The following EFNA5 variants were observed in gnomAD, a reference collection of about 807,000 sequenced individuals.
EFNA5 encodes the protein ephrin-A5.
Under a neutral mutation model 22.9 loss-of-function variants are expected in EFNA5, and 5 were observed. That is an observed-to-expected ratio of 0.22 (90% CI 0.11 to 0.46). The LOEUF (loss-of-function observed/expected upper bound fraction) is 0.46, where lower values mean the gene tolerates loss of function less well. EFNA5 is among the 20% of genes least tolerant of loss of function. The pLI is 0.99. For synonymous variants in EFNA5, 113 were observed against 112.2 expected (o/e 1.01, Z -0.04); for missense variants, 237 against 293.3 (o/e 0.81, Z 1.40).
intron 1 of EFNA5, among the ~76,000 whole-genome samples, chr5:107,634,778 A>C (rs1275721094): frequency 8.8e-6 from 1 of 113,310 alleles, no homozygotes; most frequent in African/African-American, 2.7e-5. Flanking sequence ...ATTGATCTTC[A>C]TGGAGATAAT....
intron 1 of EFNA5, among the ~76,000 whole-genome samples, chr5:107,429,274 C>G (rs898087616): frequency 2.6e-5 from 4 of 152,172 alleles, no homozygotes; most frequent in Non-Finnish European, 5.9e-5. Flanking sequence ...GAAACCTTGT[C>G]TCTACTAAAA....
intron 1 of EFNA5, among the ~76,000 whole-genome samples, chr5:107,537,991 T>C (rs1747962731): frequency 6.6e-6 from 1 of 152,084 alleles, no homozygotes; most frequent in Non-Finnish European, 1.5e-5. Flanking sequence ...AAAAGGGGTA[T>C]ATTGAGATTA....
chr5:107,385,532 T>C (rs1052493848), intron 4 of EFNA5, among the ~76,000 whole-genome samples: 6 of 152,218 alleles, frequency 3.9e-5, no homozygotes, highest in Admixed American at 1.3e-4. Context: ...TAAGTCCTCT[T>C]TATGAACATA....
chr5:107,498,494 C>T (rs1747047071), intron 1 of EFNA5, among the ~76,000 whole-genome samples: 1 of 152,198 alleles, frequency 6.6e-6, no homozygotes, highest in Non-Finnish European at 1.5e-5. Flanking sequence ...GACCCCCACA[C>T]ATCATAGTCT....
chr5:107,465,376 G>C (rs772276846), intron 1 of EFNA5, among the ~76,000 whole-genome samples: 13 of 152,112 alleles, frequency 8.5e-5, no homozygotes, highest in Non-Finnish European at 1.5e-4. Context: ...AACTTATGTA[G>C]AACATTAGAA....
rs182459982 is a variant in EFNA5 at position 107,655,411 on chromosome 5, T to C, written c.125+15078A>G. ...AGCACAGCGATTGTAAATATTAAAA[T>C]GCTGTACTTTTAAGAGAAATCTGTT... On this transcript the variant is annotated intron_variant, in intron 1 of 4. Transcript: ENST00000333274. Among the ~76,000 whole-genome samples, 37 of 152,272 alleles carry C rather than the reference T, an allele frequency of 2.4e-4. No individual in the cohort carries two copies. The East Asian group carries it at 6.6e-3, about 27-fold the overall frequency.
intron 1 of EFNA5, among the ~76,000 whole-genome samples, chr5:107,566,179 G>A (rs646095): frequency 0.022 from 3,292 of 152,230 alleles, 87 homozygotes; most frequent in African/African-American, 0.064. Flanking sequence ...ATGGCACGCA[G>A]GACCGGTCAA....
chr5:107,639,110 C>A (rs1168951554), intron 1 of EFNA5, among the ~76,000 whole-genome samples: 2 of 152,270 alleles, frequency 1.3e-5, no homozygotes, highest in Middle Eastern at 6.8e-3. Flanking sequence ...CATATTACTT[C>A]GGTGATTTAA....
At chr5:107,654,254 T>C (rs1233045222) in intron 1 of EFNA5, among the ~76,000 whole-genome samples, 1 of 152,152 alleles carries the variant, frequency 6.6e-6, no homozygotes, top group African/African-American at 2.4e-5. Context: ...TGGGTTTACA[T>C]TGCCTTCTGT....
intron 1 of EFNA5, among the ~76,000 whole-genome samples, chr5:107,661,186 C>T (rs1750951135): frequency 6.6e-6 from 1 of 151,688 alleles, no homozygotes; most frequent in African/African-American, 2.4e-5. Flanking sequence ...AAACACTTTG[C>T]TGCAGCAGAA....
chr5:107,633,254 G>A (rs2112537879), intron 1 of EFNA5, among the ~76,000 whole-genome samples: 1 of 152,316 alleles, frequency 6.6e-6, no homozygotes, highest in East Asian at 1.9e-4. Flanking sequence ...TGTTTTTCAT[G>A]ATGAATTACA....
chr5:107,456,031 AT>A (rs1385638018), intron 1 of EFNA5, among the ~76,000 whole-genome samples: 1 of 152,182 alleles, frequency 6.6e-6, no homozygotes, highest in Admixed American at 6.6e-5. Context: ...TTTGACAGAC[AT>A]TAATACAATG....
At chr5:107,395,726 T>C (rs1184591990) in intron 2 of EFNA5, among the ~76,000 whole-genome samples, 4 of 152,176 alleles carry the variant, frequency 2.6e-5, no homozygotes. Context: ...TTGGTGAACT[T>C]ACTGTACTAG....
intron 1 of EFNA5, among the ~76,000 whole-genome samples, chr5:107,485,670 C>T (rs1746597123): frequency 1.3e-5 from 2 of 152,124 alleles, no homozygotes; most frequent in African/African-American, 4.8e-5. Flanking sequence ...CTAATCGGAA[C>T]TGGGGTTTGC....
intron 1 of EFNA5, among the ~76,000 whole-genome samples, chr5:107,515,362 TTTA>T (rs70996961): frequency 0.43 from 60,536 of 141,002 alleles, 13,054 homozygotes; most frequent in East Asian, 0.57. Context: ...TATTTTTTAT[TTTA>T]TTATTATTAT....
intron 1 of EFNA5, among the ~76,000 whole-genome samples, chr5:107,592,613 G>A (rs1018990059): frequency 2.0e-5 from 3 of 152,134 alleles, no homozygotes; most frequent in African/African-American, 7.2e-5. Context: ...TTCCATGCAG[G>A]TTAGGGGAGC....
At chr5:107,574,284 T>C (rs1748878514) in intron 1 of EFNA5, among the ~76,000 whole-genome samples, 1 of 152,188 alleles carries the variant, frequency 6.6e-6, no homozygotes, top group Non-Finnish European at 1.5e-5. Context: ...AGGAAGACTT[T>C]TATGAATCAA....
At chr5:107,492,855 A>G (rs1746849920) in intron 1 of EFNA5, among the ~76,000 whole-genome samples, 1 of 151,136 alleles carries the variant, frequency 6.6e-6, no homozygotes, top group African/African-American at 2.5e-5. Context: ...AAAAATTAGC[A>G]GAGTGTGGTG....
At chr5:107,667,126 T>C (rs936560870) in intron 1 of EFNA5, among the ~76,000 whole-genome samples, 14 of 152,222 alleles carry the variant, frequency 9.2e-5, no homozygotes, top group African/African-American at 3.4e-4. Context: ...GTAAAACTTA[T>C]ACAAGTTTTC....
Sources: allele counts gnomAD v4.1 joint callset (sites outside exome capture counted in the v4.1 genomes callset), GRCh38; gene constraint gnomAD v4.1.1; transcripts MANE v1.5; gene names NCBI Gene and HGNC (gene_info 2026-07-23, HGNC 2026-07-21).